MELK: variants seen among roughly 807,000 people sequenced by gnomAD.
MELK encodes maternal embryonic leucine zipper kinase.
MELK carries 81 observed loss-of-function variants against 85.0 expected under a neutral mutation model. The ratio of observed to expected loss-of-function variants is 0.95; its 90% CI spans 0.80 to 1.15. MELK has a LOEUF of 1.15. Ranked by LOEUF, MELK falls within the 50% of genes most tolerant of loss-of-function variation. The probability of loss-of-function intolerance (pLI) is 0.00; values close to 1 mark genes in which losing one functional copy is unlikely to be tolerated. For missense variants in MELK, 754 were observed against 777.5 expected, an observed-to-expected ratio of 0.97 and a Z score of 0.36; for synonymous variants, 252 against 265.0, an observed-to-expected ratio of 0.95 and a Z score of 0.48.
Position 36,590,359 on chromosome 9 carries a change from C to A in MELK, c.261+707C>A, listed in dbSNP as rs1327251246. 2.0e-5 allele frequency among the ~76,000 whole-genome samples: 3 copies of A among 152,174 alleles called. No homozygotes were observed. The East Asian group carries it at 5.8e-4, about 29-fold the overall frequency. ...GTCTGAAATCAAAATGTTGGCAAGG[C>A]TGGTTCCTTCTGGAGGTTCTGAGAG... On this transcript the variant is annotated intron_variant, in intron 4 of 17. Transcript: ENST00000298048.
intron 16 of MELK, among the ~76,000 whole-genome samples, 181 bp downstream of exon 16, chr9:36,671,347 C>T (rs1312095754): frequency 1.3e-5 from 2 of 152,100 alleles, no homozygotes; most frequent in South Asian, 2.1e-4. Flanking sequence ...TAAATAGATA[C>T]AGTCACTCCC....
chr9:36,633,857 A>G (rs2151643), intron 10 of MELK, among the ~76,000 whole-genome samples: 3,006 of 152,318 alleles, frequency 0.02, 95 homozygotes, highest in South Asian at 0.069. Flanking sequence ...AAGGAATAAA[A>G]TGCAGCCTCA....
chr9:36,661,972 A>G (rs529740783), intron 13 of MELK, among the ~76,000 whole-genome samples: 34 of 151,636 alleles, frequency 2.2e-4, no homozygotes, highest in African/African-American at 7.7e-4. Flanking sequence ...CAAACAAAGA[A>G]AAAAACATAG....
At chr9:36,675,351 C>G (rs1305490141) in intron 17 of MELK, among the ~76,000 whole-genome samples, 1 of 152,170 alleles carries the variant, frequency 6.6e-6, no homozygotes, top group Non-Finnish European at 1.5e-5. Flanking sequence ...TTTCTCCCAC[C>G]TCATTCCCAA....
At chr9:36,608,481 C>T (rs112525590) in intron 8 of MELK, among the ~76,000 whole-genome samples, 45 of 151,614 alleles carry the variant, frequency 3.0e-4, no homozygotes, top group African/African-American at 9.9e-4. Flanking sequence ...CCGTGGTTTC[C>T]GGCATCCATG....
chr9:36,662,404 T>C (rs1831941545), intron 13 of MELK, among the ~76,000 whole-genome samples: 1 of 151,990 alleles, frequency 6.6e-6, no homozygotes, highest in Non-Finnish European at 1.5e-5. Flanking sequence ...CCACCATGTC[T>C]GGCTAATTTT....
chr9:36,616,227 T>G (rs184934593), intron 8 of MELK, among the ~76,000 whole-genome samples: 2 of 152,232 alleles, frequency 1.3e-5, no homozygotes, highest in East Asian at 3.9e-4. Flanking sequence ...TTCTAACACA[T>G]ATATAGATTC....
At chr9:36,597,103 C>T (rs536856281) in intron 5 of MELK, 119 bp from the exon 6 acceptor site, 11 of 748,196 alleles carry the variant, frequency 1.5e-5, no homozygotes, top group Non-Finnish European at 2.2e-5. Context: ...CTTCAGAGTG[C>T]TGGGATTACA....
At chr9:36,604,308 C>T (rs1411718889) in intron 7 of MELK, among the ~76,000 whole-genome samples, 2 of 127,334 alleles carry the variant, frequency 1.6e-5, no homozygotes, top group Non-Finnish European at 3.2e-5. Flanking sequence ...GACAAAGTCT[C>T]GCTCTTGTCC....
chr9:36,609,632 G>A (rs1203611956), intron 8 of MELK, among the ~76,000 whole-genome samples: 1 of 151,758 alleles, frequency 6.6e-6, no homozygotes, highest in Non-Finnish European at 1.5e-5. Context: ...AAATTTTTTT[G>A]TAGAGATAGG....
rs747767558 is a variant in MELK, at chr9:36,677,508, T to C, written c.*171T>C. 4 of 545,706 alleles carry C rather than the reference T, an allele frequency of 7.3e-6. No individual in the cohort carries two copies. The Admixed American group carries it at 1.6e-4, about 22-fold the overall frequency. The allele number at this position is 545,706 out of a possible 1,614,324, so 33.8% of individuals were successfully genotyped here. A position where few individuals can be genotyped will look rare whatever the true frequency, so the allele number is the denominator to read the frequency against. On this transcript the variant is annotated 3_prime_UTR_variant, in exon 18 of 18. Transcript: ENST00000298048. ...TAAACAAAAGATATTATTTTGTGTATGAATCTAAATCAAGCCCATCTGTCA... is the reference window on the plus strand; with the variant it reads ...TAAACAAAAGATATTATTTTGTGTACGAATCTAAATCAAGCCCATCTGTCA...
rs114448443 is a variant in MELK, at chr9:36,677,018, T to A, written c.1779-142T>A. Reference sequence around the variant, plus strand: ...ACTCTATTACTAAAGCATAGCTAGGTCATTTGGAAACTGTAAACAGTAATA... The same window carrying A: ...ACTCTATTACTAAAGCATAGCTAGGACATTTGGAAACTGTAAACAGTAATA... On this transcript the variant is annotated intron_variant, in intron 17 of 17. Transcript: ENST00000298048. 2.9e-4 allele frequency: 185 copies of A among 634,020 alleles called. 1 individual carries two copies. The African/African-American group carries it at 3.2e-3, about 11-fold the overall frequency. The allele number at this position is 634,020 out of a possible 1,614,324, so 39.3% of individuals were successfully genotyped here. A position where few individuals can be genotyped will look rare whatever the true frequency, so the allele number is the denominator to read the frequency against.
At chr9:36,619,601 T>A (rs1427105859) in intron 8 of MELK, among the ~76,000 whole-genome samples, 1 of 151,628 alleles carries the variant, frequency 6.6e-6, no homozygotes, top group Non-Finnish European at 1.5e-5. Context: ...AAATGAGGTA[T>A]TATGTAGATT....
chr9:36,662,837 C>T (rs1831987707), intron 13 of MELK, among the ~76,000 whole-genome samples: 2 of 152,028 alleles, frequency 1.3e-5, no homozygotes, highest in Non-Finnish European at 2.9e-5. Context: ...TTTTGGTGTT[C>T]TGCAGTTTCA....
At chr9:36,625,880 C>T (rs1002205590) in intron 8 of MELK, among the ~76,000 whole-genome samples, 3 of 148,920 alleles carry the variant, frequency 2.0e-5, no homozygotes, top group Non-Finnish European at 3.0e-5. Flanking sequence ...AAGATTGTGC[C>T]GTGAGACTTC....
chr9:36,594,199 C>T (rs1444510995), intron 4 of MELK, among the ~76,000 whole-genome samples: 1 of 152,174 alleles, frequency 6.6e-6, no homozygotes, highest in Non-Finnish European at 1.5e-5. Context: ...CCTCTGTAGA[C>T]CTGGGCTCCT....
intron 17 of MELK, 91 bp downstream of exon 17, chr9:36,675,028 G>T: frequency 1.2e-6 from 1 of 847,478 alleles, no homozygotes; most frequent in Non-Finnish European, 1.9e-6. Flanking sequence ...GCTCACGCCT[G>T]TAATCCCAGC....
chr9:36,592,044 G>T (rs2135385120), intron 4 of MELK, among the ~76,000 whole-genome samples: 1 of 152,168 alleles, frequency 6.6e-6, no homozygotes, highest in African/African-American at 2.4e-5. Flanking sequence ...AGAAATGGGG[G>T]TCTTGGCCTG....
At chr9:36,650,006 C>T (rs187027950) in intron 11 of MELK, among the ~76,000 whole-genome samples, 5 of 151,994 alleles carry the variant, frequency 3.3e-5, no homozygotes, top group East Asian at 1.9e-4. Flanking sequence ...TGCAGTGGCA[C>T]GATCTCTGCT....
Sources: gnomAD v4.1 joint callset for allele counts (sites outside exome capture counted in the v4.1 genomes callset) on GRCh38, gnomAD v4.1.1 for gene constraint, MANE v1.5 for transcripts, NCBI Gene and HGNC (gene_info 2026-07-23, HGNC 2026-07-21) for gene names.